Variants in KANK1 observed in about 807,000 individuals in gnomAD.
The protein encoded by KANK1 is KN motif and ankyrin repeat domains 1.
Under a neutral mutation model 106.2 loss-of-function variants are expected in KANK1, and 109 were observed. That is an observed-to-expected ratio of 1.03 (90% CI 0.88 to 1.20). The LOEUF (loss-of-function observed/expected upper bound fraction) is 1.20, where lower values mean the gene tolerates loss of function less well. KANK1 is among the 50% of genes most tolerant of loss of function. The pLI is 0.00. For synonymous variants in KANK1, 873 were observed against 652.2 expected, an observed-to-expected ratio of 1.34 and a Z score of -5.16; for missense variants, 2,399 against 1,710.7, an observed-to-expected ratio of 1.40 and a Z score of -7.10.
At chr9:651,308 C>G (rs1402770722) in intron 1 of KANK1, among the ~76,000 whole-genome samples, 1 of 152,122 alleles carries the variant, frequency 6.6e-6, no homozygotes, top group Non-Finnish European at 1.5e-5. Context: ...TTAAGAAAAT[C>G]TAGTTTGTTT....
At chr9:531,398 T>C (rs1002031451) in intron 1 of KANK1, among the ~76,000 whole-genome samples, 16 of 152,278 alleles carry the variant, frequency 1.1e-4, no homozygotes, top group African/African-American at 3.9e-4. Flanking sequence ...ACCCCTACAC[T>C]CCATCCTGGG....
At chr9:621,175 T>C (rs974233135) in intron 1 of KANK1, among the ~76,000 whole-genome samples, 1 of 152,196 alleles carries the variant, frequency 6.6e-6, no homozygotes, top group African/African-American at 2.4e-5. Flanking sequence ...CTTTGGGGCC[T>C]CACCTAATAA....
intron 1 of KANK1, among the ~76,000 whole-genome samples, chr9:581,476 T>G (rs1309152083): frequency 2.0e-5 from 3 of 152,068 alleles, no homozygotes; most frequent in Non-Finnish European, 4.4e-5. Context: ...TGGAAGTCAA[T>G]GATGTTGAAC....
intron 3 of KANK1, among the ~76,000 whole-genome samples, chr9:473,950 G>C (rs771560037): frequency 2.0e-5 from 3 of 148,770 alleles, no homozygotes; most frequent in Non-Finnish European, 4.4e-5. Flanking sequence ...TGCCCACCTC[G>C]GCCTCCCAAA....
intron 8 of KANK1, 30 bp downstream of exon 8, chr9:738,534 C>T (rs771831638): frequency 3.2e-6 from 5 of 1,548,376 alleles, no homozygotes; most frequent in Non-Finnish European, 3.6e-6. Flanking sequence ...ACCCTCTCTT[C>T]TCTAACAGTA....
At chr9:651,413 C>T (rs1203242890) in intron 1 of KANK1, among the ~76,000 whole-genome samples, 1 of 152,244 alleles carries the variant, frequency 6.6e-6, no homozygotes, top group Middle Eastern at 3.4e-3. Flanking sequence ...ATTTAGGAAA[C>T]GTGGCCTAAC....
intron 6 of KANK1, chr9:734,521 C>T (rs978075405): frequency 2.6e-6 from 1 of 387,692 alleles, no homozygotes; most frequent in Non-Finnish European, 4.9e-6. Context: ...CAAAAATTAG[C>T]TGGGCCTGGT....
At chr9:573,357 C>T (rs578187552) in intron 1 of KANK1, among the ~76,000 whole-genome samples, 4 of 152,246 alleles carry the variant, frequency 2.6e-5, no homozygotes, top group South Asian at 2.1e-4. Flanking sequence ...GCAAGCTCCA[C>T]CTCCTGGGTT....
At chr9:707,211 A>T in intron 2 of KANK1, 2 of 986,374 alleles carry the variant, frequency 2.0e-6, no homozygotes, top group Non-Finnish European at 2.4e-6. Flanking sequence ...TGTGCGGGGC[A>T]GCGCGGGCTG....
upstream of KANK1, among the ~76,000 whole-genome samples, chr9:503,251 G>C (rs975609815): frequency 6.6e-6 from 1 of 151,984 alleles, no homozygotes; most frequent in African/African-American, 2.4e-5. Flanking sequence ...CGGGGTGGTG[G>C]TGGTGGGGGA....
chr9:579,352 A>G (rs1821428397), intron 1 of KANK1, among the ~76,000 whole-genome samples: 1 of 152,182 alleles, frequency 6.6e-6, no homozygotes, highest in Non-Finnish European at 1.5e-5. Flanking sequence ...TTATCAGGAT[A>G]CTGAAGTCCT....
rs1427796017 is a variant in KANK1, at chr9:720,056, A to G, written c.2698+6592A>G. Reference sequence around the variant, plus strand: ...TAAGTGCACTTCGGAATGATAATTAATGCATCAAAGGTGTTCCTCTTATTT... The same window carrying G: ...TAAGTGCACTTCGGAATGATAATTAGTGCATCAAAGGTGTTCCTCTTATTT... On this transcript the variant is annotated intron_variant, in intron 3 of 11. Transcript: ENST00000382297. Among the ~76,000 whole-genome samples the G allele has an allele frequency of 2.6e-5, 4 of 152,244 alleles. No individual in the cohort carries two copies. The East Asian group carries it at 7.7e-4, about 29-fold the overall frequency.
At chr9:638,518 C>A (rs1217561321) in intron 1 of KANK1, among the ~76,000 whole-genome samples, 1 of 152,138 alleles carries the variant, frequency 6.6e-6, no homozygotes, top group Non-Finnish European at 1.5e-5. Flanking sequence ...CTCTTATTTC[C>A]TGGCCACTGG....
chr9:621,396 C>G lies in KANK1; in HGVS notation c.-83-55494C>G, dbSNP rs534309763. Among the ~76,000 whole-genome samples the G allele has an allele frequency of 2.0e-5, 3 of 152,172 alleles. No homozygotes were observed. The South Asian group carries it at 6.2e-4, about 32-fold the overall frequency. On this transcript the variant is annotated intron_variant, in intron 1 of 11. Coordinates refer to ENST00000382297, the MANE Select transcript of KANK1 (RefSeq NM_015158.5). ...AGTCTGGTTTCAGTTCCACGTAATA[C>G]TGACTTGGCAAGTGTGGAAATTCTC...
intron 1 of KANK1, among the ~76,000 whole-genome samples, chr9:650,530 TGG>T (rs1379160303): frequency 6.6e-6 from 1 of 152,226 alleles, no homozygotes; most frequent in Non-Finnish European, 1.5e-5. Context: ...CTGGTGCTGC[TGG>T]ACCACAGGCC....
At chr9:729,929 T>G in intron 3 of KANK1, 122 bp from the exon 4 acceptor site, 2 of 831,132 alleles carry the variant, frequency 2.4e-6, no homozygotes, top group Non-Finnish European at 3.7e-6. Flanking sequence ...AAGGGGCTTC[T>G]GAGTTTTGGT....
chr9:644,455 T>C (rs1170799758), intron 1 of KANK1, among the ~76,000 whole-genome samples: 2 of 150,882 alleles, frequency 1.3e-5, no homozygotes, highest in Non-Finnish European at 2.9e-5. Context: ...CCAGGAAGCA[T>C]GGTGGCTTCT....
At chr9:518,805 G>A (rs2059415602) in intron 1 of KANK1, among the ~76,000 whole-genome samples, 1 of 151,760 alleles carries the variant, frequency 6.6e-6, no homozygotes, top group Admixed American at 6.5e-5. Flanking sequence ...GAAGTAAAGG[G>A]TAGAGGCAGG....
At chr9:598,424 A>G (rs1386034713) in intron 1 of KANK1, among the ~76,000 whole-genome samples, 1 of 151,452 alleles carries the variant, frequency 6.6e-6, no homozygotes, top group East Asian at 1.9e-4. Flanking sequence ...GATAAGGAGT[A>G]CATTGAATCT....
Sources: allele counts gnomAD v4.1 joint callset (sites outside exome capture counted in the v4.1 genomes callset), GRCh38; gene constraint gnomAD v4.1.1; transcripts MANE v1.5; gene names NCBI Gene and HGNC (gene_info 2026-07-23, HGNC 2026-07-21).